Variants in PIK3CB observed in about 807,000 individuals in gnomAD.
The protein encoded by PIK3CB is phosphatidylinositol 4,5-bisphosphate 3-kinase catalytic subunit beta isoform.
PIK3CB carries 39 observed loss-of-function variants against 136.8 expected under a neutral mutation model. The observed-to-expected ratio is 0.29, with a 90% CI of 0.22 to 0.37. The LOEUF is 0.37. Ranked by LOEUF, PIK3CB falls within the 10% of genes least tolerant of loss-of-function variation. The probability of loss-of-function intolerance (pLI) is 1.00; values close to 1 mark genes in which losing one functional copy is unlikely to be tolerated. For synonymous variants in PIK3CB, 428 were observed against 436.6 expected, an observed-to-expected ratio of 0.98 and a Z score of 0.25; for missense variants, 868 against 1,275.4, an observed-to-expected ratio of 0.68 and a Z score of 4.87.
At chr3:138,786,692 A>T (rs1471397437) in intron 2 of PIK3CB, among the ~76,000 whole-genome samples, 1 of 152,172 alleles carries the variant, frequency 6.6e-6, no homozygotes, top group Admixed American at 6.5e-5. Flanking sequence ...TTATACTTAA[A>T]ATGTACTATA....
chr3:138,706,752 G>C (rs1173149150), intron 11 of PIK3CB, among the ~76,000 whole-genome samples: 1 of 152,130 alleles, frequency 6.6e-6, no homozygotes, highest in East Asian at 1.9e-4. Context: ...CCGCCTCCCG[G>C]GTTCAAGCAA....
intron 9 of PIK3CB, among the ~76,000 whole-genome samples, chr3:138,712,716 G>A (rs1262259340): frequency 6.6e-6 from 1 of 151,662 alleles, no homozygotes; most frequent in Admixed American, 6.6e-5. Context: ...ACAGGCACCC[G>A]CCACCACACC....
chr3:138,742,805 C>A (rs1300412562), intron 4 of PIK3CB, 24 bp from the exon 5 acceptor site: 1 of 1,244,518 alleles, frequency 8.0e-7, no homozygotes, highest in Non-Finnish European at 1.2e-6. Flanking sequence ...TTAAAGGTGT[C>A]ATTTTCAGTA....
At chr3:138,680,474 A>G (rs910563246) in intron 19 of PIK3CB, among the ~76,000 whole-genome samples, 2 of 152,170 alleles carry the variant, frequency 1.3e-5, no homozygotes, top group African/African-American at 4.8e-5. Context: ...GATGAACTGG[A>G]CTATATCTTT....
At chr3:138,797,708 C>G (rs1305870880) in intron 1 of PIK3CB, among the ~76,000 whole-genome samples, 2 of 152,116 alleles carry the variant, frequency 1.3e-5, no homozygotes, top group Non-Finnish European at 2.9e-5. Context: ...TGTGTGGGTA[C>G]AGTTATGACT....
At chr3:138,753,517 T>C (rs1459004243) in intron 4 of PIK3CB, among the ~76,000 whole-genome samples, 1 of 151,586 alleles carries the variant, frequency 6.6e-6, no homozygotes, top group East Asian at 1.9e-4. Context: ...TGAGACTCTG[T>C]ATCAAATAAA....
At chr3:138,802,042 C>T (rs576172616) in intron 1 of PIK3CB, among the ~76,000 whole-genome samples, 1 of 150,282 alleles carries the variant, frequency 6.7e-6, no homozygotes, top group East Asian at 2.0e-4. Flanking sequence ...GATCCTGTTT[C>T]TAAAAACAAA....
At chr3:138,667,207 C>CAAAAAA (rs149370978) in intron 19 of PIK3CB, among the ~76,000 whole-genome samples, 1 of 72,678 alleles carries the variant, frequency 1.4e-5, no homozygotes, top group Non-Finnish European at 2.5e-5. Context: ...GACTCTGTCT[C>CAAAAAA]AAAAAAAAAA....
At chr3:138,725,901 T>C (rs2044825774) in intron 8 of PIK3CB, among the ~76,000 whole-genome samples, 1 of 152,254 alleles carries the variant, frequency 6.6e-6, no homozygotes, top group African/African-American at 2.4e-5. Context: ...TCAACTAATT[T>C]TGAATTGTAT....
In PIK3CB at chr3:138,685,396, CAAAAAAAAAAA is replaced by C. The variant is rs398052626; in HGVS notation, c.2137-604_2137-594del. On this transcript the variant is annotated intron_variant, in intron 16 of 23. Transcript: ENST00000674063. Reference sequence around the variant, plus strand: ...TGGGTAAGAGAGTGAGAAACTGTCTCAAAAAAAAAAAAAAAAAAAAAAAAAAAGAAAGAAAG... The same window carrying C: ...TGGGTAAGAGAGTGAGAAACTGTCTCAAAAAAAAAAAAAAAAGAAAGAAAG... Among the ~76,000 whole-genome samples, 319 of 58,352 alleles carry C rather than the reference CAAAAAAAAAAA, an allele frequency of 5.5e-3. 2 individuals are homozygous for C. Among genetic ancestry groups the C allele is most frequent in the African/African-American group, 0.028 (286 of 10,142 alleles). The allele number at this position is 58,352 out of a possible 152,430, so 38.3% of individuals were successfully genotyped here.
chr3:138,736,514 T>C (rs933950799), intron 6 of PIK3CB, among the ~76,000 whole-genome samples: 2 of 152,250 alleles, frequency 1.3e-5, no homozygotes, highest in Non-Finnish European at 2.9e-5. Context: ...TGGGCACTTA[T>C]AATAATATTC....
intron 22 of PIK3CB, 59 bp from the exon 23 acceptor site, chr3:138,656,333 A>G: frequency 3.8e-6 from 6 of 1,563,020 alleles, no homozygotes; most frequent in Non-Finnish European, 5.3e-6. Flanking sequence ...AGCACATTTC[A>G]TACAGGAAAT....
chr3:138,713,625 C>T (rs545626926), intron 9 of PIK3CB, among the ~76,000 whole-genome samples: 63 of 152,144 alleles, frequency 4.1e-4, no homozygotes, highest in Middle Eastern at 6.8e-3. Context: ...GAGCCGAGAT[C>T]GTGCCATTGC....
rs2043681931 is a variant in PIK3CB at position 138,677,863 on chromosome 3, C to G, written c.2504+4104G>C. ...TGAGCTGAGATCGTGCCATTGCACTCTGGCCTGGGCAACAAGAGGGAAACT... is the reference window on the plus strand; with the variant it reads ...TGAGCTGAGATCGTGCCATTGCACTGTGGCCTGGGCAACAAGAGGGAAACT... On this transcript the variant is annotated intron_variant, in intron 19 of 23. Transcript: ENST00000674063. 3.3e-5 allele frequency among the ~76,000 whole-genome samples: 5 copies of G among 152,078 alleles called. No individual in the cohort carries two copies. In the South Asian group the frequency reaches 8.3e-4, roughly 25 times the overall value.
chr3:138,807,188 C>A (rs1327127769), intron 1 of PIK3CB, among the ~76,000 whole-genome samples: 1 of 152,198 alleles, frequency 6.6e-6, no homozygotes, highest in Non-Finnish European at 1.5e-5. Flanking sequence ...AACCCTAGCA[C>A]TTTGGGAGGC....
chr3:138,726,606 A>G (rs2044842612), intron 8 of PIK3CB, among the ~76,000 whole-genome samples: 1 of 152,242 alleles, frequency 6.6e-6, no homozygotes, highest in Non-Finnish European at 1.5e-5. Flanking sequence ...GGTACAATTC[A>G]TACATTCTCT....
intron 10 of PIK3CB, 69 bp from the exon 11 acceptor site, chr3:138,707,358 G>A: frequency 6.6e-7 from 1 of 1,510,728 alleles, no homozygotes; most frequent in Non-Finnish European, 8.8e-7. Flanking sequence ...AAGCTGTAAT[G>A]GATCTCCTCC....
chr3:138,770,731 A>T (rs2045788799), intron 2 of PIK3CB, among the ~76,000 whole-genome samples: 1 of 152,080 alleles, frequency 6.6e-6, no homozygotes, highest in Non-Finnish European at 1.5e-5. Context: ...TTTTGTTTTG[A>T]GACTAAGTCT....
At chr3:138,780,458 A>C (rs1342639416) in intron 2 of PIK3CB, among the ~76,000 whole-genome samples, 1 of 151,792 alleles carries the variant, frequency 6.6e-6, no homozygotes, top group Non-Finnish European at 1.5e-5. Context: ...TTTAGTACAG[A>C]TGGGGTTTCA....
Sources: gnomAD v4.1 joint callset for allele counts (sites outside exome capture counted in the v4.1 genomes callset) on GRCh38, gnomAD v4.1.1 for gene constraint, MANE v1.5 for transcripts, NCBI Gene and HGNC (gene_info 2026-07-23, HGNC 2026-07-21) for gene names.